FNIP2: variants seen among roughly 807,000 people sequenced by gnomAD.
FNIP2 encodes the protein folliculin interacting protein 2, also known as folliculin-interacting protein 2.
A neutral mutation model predicts 108.7 loss-of-function variants in FNIP2; 32 were observed. That is an observed-to-expected ratio of 0.29 (90% CI 0.22 to 0.40). The LOEUF (loss-of-function observed/expected upper bound fraction) is 0.40. Among genes scored for constraint, FNIP2 ranks in the 10% least tolerant of loss-of-function variants. The probability of loss-of-function intolerance (pLI) is 1.00; values close to 1 mark genes in which losing one functional copy is unlikely to be tolerated. For missense variants in FNIP2, 1,202 were observed against 1,381.6 expected, an observed-to-expected ratio of 0.87 and a Z score of 2.06; for synonymous variants, 480 against 496.7, an observed-to-expected ratio of 0.97 and a Z score of 0.45.
intron 14 of FNIP2, among the ~76,000 whole-genome samples, chr4:158,891,192 C>G (rs114514339): frequency 0.014 from 1,991 of 140,732 alleles, 42 homozygotes; most frequent in African/African-American, 0.048. Context: ...TCCTCCCCCT[C>G]CCCCACCCAT....
intron 7 of FNIP2, among the ~76,000 whole-genome samples, chr4:158,841,795 T>C (rs528888422): frequency 6.6e-6 from 1 of 152,362 alleles, no homozygotes; most frequent in Non-Finnish European, 1.5e-5. Flanking sequence ...TAAAAGCATG[T>C]AGCTGCAGTC....
intron 1 of FNIP2, 132 bp from the exon 2 acceptor site, chr4:158,825,784 G>A (rs1020791550): frequency 1.8e-6 from 2 of 1,097,478 alleles, no homozygotes; most frequent in African/African-American, 1.6e-5. Context: ...CCAGTTCTGA[G>A]GGGATCACTA....
At position 158,884,978 on chromosome 4, in the gene FNIP2, T is replaced by TAA. The variant is rs34333695; in HGVS notation, c.2950-6449_2950-6448dup. On this transcript the variant is annotated intron_variant, in intron 14 of 16. Coordinates refer to ENST00000264433, the MANE Select transcript of FNIP2 (RefSeq NM_020840.3). ...CAACATGGCAAAACCCTACCTCTGC[T>TAA]AAAAAAAAAAAAAAAAAAAATACAA... 1.1e-4 allele frequency among the ~76,000 whole-genome samples: 13 copies of TAA among 120,164 alleles called. 1 individual carries two copies. Among genetic ancestry groups the TAA allele is most frequent in the South Asian group, 8.2e-4 (3 of 3,662 alleles). The allele number at this position is 120,164 out of a possible 152,430, so 78.8% of individuals were successfully genotyped here.
chr4:158,793,208 T>C (rs889770607), intron 1 of FNIP2, among the ~76,000 whole-genome samples: 3 of 152,168 alleles, frequency 2.0e-5, no homozygotes, highest in Non-Finnish European at 4.4e-5. Context: ...TAAAGACAAT[T>C]GGAATGTGCC....
intron 14 of FNIP2, among the ~76,000 whole-genome samples, chr4:158,874,590 C>A (rs1412601854): frequency 6.6e-6 from 1 of 151,234 alleles, no homozygotes; most frequent in Admixed American, 6.6e-5. Context: ...ATGTTCAATG[C>A]TTCAGTGAGC....
intron 1 of FNIP2, among the ~76,000 whole-genome samples, chr4:158,821,399 C>A (rs1323336000): frequency 2.0e-5 from 3 of 152,204 alleles, no homozygotes; most frequent in Non-Finnish European, 2.9e-5. Context: ...GTTTTCATAC[C>A]CCTTTTGAAT....
intron 14 of FNIP2, among the ~76,000 whole-genome samples, chr4:158,874,172 A>G (rs2126721391): frequency 6.6e-6 from 1 of 152,338 alleles, no homozygotes; most frequent in East Asian, 1.9e-4. Context: ...GAACAGATGA[A>G]ATATGATTCA....
rs1782333984 is a variant in FNIP2 at position 158,892,355 on chromosome 4, G to A, written c.3150+709G>A. Among the ~76,000 whole-genome samples, 3 of 151,984 alleles carry A rather than the reference G, an allele frequency of 2.0e-5. No homozygotes were observed. The South Asian group carries it at 6.2e-4, about 32-fold the overall frequency. ...TTGCCATGTTGCTCAGTCTGGTCTCGAGTTCCTGGGCTCAAGCAATCCGCT... is the reference window on the plus strand; with the variant it reads ...TTGCCATGTTGCTCAGTCTGGTCTCAAGTTCCTGGGCTCAAGCAATCCGCT... On this transcript the variant is annotated intron_variant, in intron 15 of 16. Transcript: ENST00000264433.
chr4:158,900,659 C>T (rs1251233329), intron 16 of FNIP2, among the ~76,000 whole-genome samples: 1 of 152,138 alleles, frequency 6.6e-6, no homozygotes, highest in African/African-American at 2.4e-5. Flanking sequence ...ACTACAACCC[C>T]TACTTTTTTT....
chr4:158,805,004 A>ATT (rs1776892878), intron 1 of FNIP2, among the ~76,000 whole-genome samples: 1 of 152,176 alleles, frequency 6.6e-6, no homozygotes, highest in African/African-American at 2.4e-5. Context: ...AATTTTAGGG[A>ATT]TTATATATAT....
In FNIP2 at chr4:158,813,720, G is replaced by A. The variant is rs949858204; in HGVS notation, c.108-12196G>A. Reference sequence around the variant, plus strand: ...CTCAATGATTTCTTTCGTAGACCACGCCTTTGGTGTTGTATCTGAGAATCC... The same window carrying A: ...CTCAATGATTTCTTTCGTAGACCACACCTTTGGTGTTGTATCTGAGAATCC... On this transcript the variant is annotated intron_variant, in intron 1 of 16. Coordinates refer to ENST00000264433, the MANE Select transcript of FNIP2 (RefSeq NM_020840.3). Among the ~76,000 whole-genome samples, 11 of 152,220 alleles carry A rather than the reference G, an allele frequency of 7.2e-5. No homozygotes were observed. The East Asian group carries it at 1.9e-3, about 27-fold the overall frequency.
intron 14 of FNIP2, chr4:158,872,112 A>G: frequency 1.0e-6 from 1 of 985,372 alleles, no homozygotes; most frequent in Non-Finnish European, 1.2e-6. Flanking sequence ...AGAGGTACCA[A>G]GAGACTACAG....
At chr4:158,784,844 C>G (rs1776168155) in intron 1 of FNIP2, among the ~76,000 whole-genome samples, 1 of 152,152 alleles carries the variant, frequency 6.6e-6, no homozygotes, top group African/African-American at 2.4e-5. Context: ...GGGATCCCTG[C>G]TCTAATTCTT....
intron 14 of FNIP2, among the ~76,000 whole-genome samples, chr4:158,878,380 G>T (rs760793331): frequency 5.3e-5 from 8 of 152,178 alleles, no homozygotes; most frequent in Admixed American, 2.0e-4. Flanking sequence ...CATAAGCAGT[G>T]AAGCAGCAAA....
At chr4:158,833,693 T>C (rs767620485) in intron 6 of FNIP2, 65 bp downstream of exon 6, 1 of 1,511,792 alleles carries the variant, frequency 6.6e-7, no homozygotes, top group Admixed American at 1.7e-5. Flanking sequence ...TGTGTTTTGC[T>C]TTATTTGAGT....
intron 14 of FNIP2, among the ~76,000 whole-genome samples, chr4:158,883,380 T>C (rs1195984476): frequency 6.6e-6 from 1 of 151,972 alleles, no homozygotes; most frequent in East Asian, 1.9e-4. Context: ...TAGCTGGGAC[T>C]ACAGGCGCCC....
chr4:158,837,950 C>G (rs1340673990), intron 7 of FNIP2, among the ~76,000 whole-genome samples: 1 of 152,186 alleles, frequency 6.6e-6, no homozygotes, highest in African/African-American at 2.4e-5. Flanking sequence ...AGATATCATA[C>G]CTAGGAGTGG....
intron 1 of FNIP2, among the ~76,000 whole-genome samples, chr4:158,789,669 G>A (rs1483366951): frequency 2.0e-5 from 3 of 152,226 alleles, no homozygotes; most frequent in Non-Finnish European, 1.5e-5. Context: ...TCGGTTCATG[G>A]AGGTTTGCTC....
chr4:158,778,519 C>T (rs1284245294), intron 1 of FNIP2, among the ~76,000 whole-genome samples: 3 of 152,192 alleles, frequency 2.0e-5, no homozygotes, highest in African/African-American at 7.2e-5. Flanking sequence ...CTCACATCAT[C>T]TCAAGGAGAA....
Sources: allele counts gnomAD v4.1 joint callset (sites outside exome capture counted in the v4.1 genomes callset), GRCh38; gene constraint gnomAD v4.1.1; transcripts MANE v1.5; gene names NCBI Gene and HGNC (gene_info 2026-07-23, HGNC 2026-07-21).